UGT2B7: variants seen among roughly 807,000 people sequenced by gnomAD.
UGT2B7 encodes UDP glucuronosyltransferase family 2 member B7, also known as UDP-glucuronosyltransferase 2B7.
UGT2B7 carries 51 observed loss-of-function variants against 51.9 expected under a neutral mutation model. The ratio of observed to expected loss-of-function variants is 0.98; its 90% CI spans 0.78 to 1.24. UGT2B7 has a LOEUF of 1.24. Ranked by LOEUF, UGT2B7 falls within the 50% of genes most tolerant of loss-of-function variation. The probability of loss-of-function intolerance (pLI) is 0.00; values close to 1 mark genes in which losing one functional copy is unlikely to be tolerated. For synonymous variants in UGT2B7, 225 were observed against 211.6 expected (o/e 1.06, Z -0.55); for missense variants, 727 against 628.4 (o/e 1.16, Z -1.68).
chr4:69,095,624 G>T (rs1182405765), upstream of UGT2B7, among the ~76,000 whole-genome samples: 1 of 152,180 alleles, frequency 6.6e-6, no homozygotes, highest in Admixed American at 6.5e-5. Context: ...GTGAGTCGGA[G>T]AACAAGCTAA....
Position 69,104,238 on chromosome 4 carries a change from G to T in UGT2B7, c.1002+1300G>T, listed in dbSNP as rs528622782. On this transcript the variant is annotated intron_variant, in intron 3 of 5. Transcript: ENST00000305231. ...GGAGGCAGAGGTTGCAGTGAGCCAA[G>T]ATCACACCAATGCACTCCAGCCTGG... Among the ~76,000 whole-genome samples, 9 of 152,222 alleles carry T rather than the reference G, an allele frequency of 5.9e-5. No homozygotes were observed. The East Asian group carries it at 1.7e-3, about 29-fold the overall frequency.
intron 2 of UGT2B7, among the ~76,000 whole-genome samples, chr4:69,090,773 T>C (rs2109879293): frequency 6.6e-6 from 1 of 152,298 alleles, no homozygotes; most frequent in East Asian, 1.9e-4. Flanking sequence ...ATAGTCTTTC[T>C]AATTTTAAGG....
intron 1 of UGT2B7, among the ~76,000 whole-genome samples, chr4:69,064,232 G>C (rs1718439598): frequency 6.6e-6 from 1 of 152,152 alleles, no homozygotes; most frequent in African/African-American, 2.4e-5. Context: ...GGAAAGTCCT[G>C]ATACTACTGT....
chr4:69,108,810 G>C (rs1433397828), intron 5 of UGT2B7, among the ~76,000 whole-genome samples: 1 of 151,958 alleles, frequency 6.6e-6, no homozygotes, highest in Non-Finnish European at 1.5e-5. Context: ...AATATATTTA[G>C]TATGTTTACA....
At chr4:69,053,128 C>T (rs1214509195) in intron 1 of UGT2B7, among the ~76,000 whole-genome samples, 1 of 151,960 alleles carries the variant, frequency 6.6e-6, no homozygotes, top group Non-Finnish European at 1.5e-5. Context: ...AAAATCTTAC[C>T]TTATGGTCAA....
At chr4:69,081,627 C>T (rs1238364979) in intron 1 of UGT2B7, among the ~76,000 whole-genome samples, 2 of 152,076 alleles carry the variant, frequency 1.3e-5, no homozygotes, top group East Asian at 1.9e-4. Flanking sequence ...AATTTCCAAA[C>T]ATCAGGACTT....
Position 69,097,009 on chromosome 4 carries a change from A to T in UGT2B7, c.489A>T (p.Leu163=), listed in dbSNP as rs202168877. 2 of 1,613,720 alleles carry T rather than the reference A, an allele frequency of 1.2e-6. No individual in the cohort carries two copies. The highest frequency in any genetic ancestry group is 2.7e-5 in the African/African-American group (2 of 74,902). Residue 163 remains leucine, a synonymous_variant, in exon 1 of 6, where the codon CTA becomes CTT. Coordinates refer to ENST00000305231, the MANE Select transcript of UGT2B7 (RefSeq NM_001074.4). ...IFPCSELLAE[L]FNIPFVYSLS... ...CCTGTAGTGAGCTGCTGGCTGAGCTATTTAACATACCCTTTGTGTACAGTC... is the reference window on the plus strand; with the variant it reads ...CCTGTAGTGAGCTGCTGGCTGAGCTTTTTAACATACCCTTTGTGTACAGTC...
chr4:69,073,467 T>C (rs1297231100), intron 1 of UGT2B7, among the ~76,000 whole-genome samples: 4 of 152,178 alleles, frequency 2.6e-5, no homozygotes, highest in Non-Finnish European at 5.9e-5. Context: ...ATAAAAGATC[T>C]AGAATCCTGA....
At chr4:69,071,909 A>G (rs1263649084) in intron 1 of UGT2B7, among the ~76,000 whole-genome samples, 1 of 152,088 alleles carries the variant, frequency 6.6e-6, no homozygotes, top group Admixed American at 6.6e-5. Flanking sequence ...TACACAAACT[A>G]AATTTTAGTC....
intron 1 of UGT2B7, among the ~76,000 whole-genome samples, chr4:69,064,096 G>GAA (rs1257880397): frequency 0.064 from 4,613 of 72,548 alleles, 114 homozygotes; most frequent in East Asian, 0.1. Flanking sequence ...AAGAAAGAAA[G>GAA]AGAAAGAAAG....
intron 1 of UGT2B7, among the ~76,000 whole-genome samples, chr4:69,082,437 A>T (rs1260730038): frequency 6.6e-6 from 1 of 152,060 alleles, no homozygotes; most frequent in African/African-American, 2.4e-5. Context: ...TCACGAAGGA[A>T]ATTAGAAGTG....
intron 3 of UGT2B7, among the ~76,000 whole-genome samples, chr4:69,106,206 C>G (rs1719594766): frequency 6.6e-6 from 1 of 152,002 alleles, no homozygotes; most frequent in Non-Finnish European, 1.5e-5. Flanking sequence ...TTTCATCACC[C>G]AGATATTAAG....
At chr4:69,079,531 T>TA (rs1718788846) in intron 1 of UGT2B7, among the ~76,000 whole-genome samples, 2 of 152,134 alleles carry the variant, frequency 1.3e-5, no homozygotes, top group South Asian at 4.1e-4. Flanking sequence ...CAACATAGCA[T>TA]ATTGTGACAG....
chr4:69,097,908 A>T (rs1719294579), intron 1 of UGT2B7, among the ~76,000 whole-genome samples: 1 of 152,060 alleles, frequency 6.6e-6, no homozygotes, highest in African/African-American at 2.4e-5. Flanking sequence ...AGAACATATG[A>T]GACAAATTAA....
rs1215350782 is a variant in UGT2B7 at position 69,112,476 on chromosome 4, A to G, written c.1330A>G (p.Lys444Glu). The change falls in exon 6 of 6, where the codon AAA becomes GAA. Residue 444 changes from lysine (K) to glutamate (E), a missense_variant. Transcript: ENST00000305231. ...TTTCAGATATAAAGAGAATGTTATG[A>G]AATTATCAAGAATTCAACATGATCA... ...NDPSYKENVM[K>E]LSRIQHDQPV... The G allele has an allele frequency of 1.9e-6, 3 of 1,613,580 alleles. No homozygotes were observed. Among genetic ancestry groups the G allele is most frequent in the Non-Finnish European group, 2.5e-6 (3 of 1,179,810 alleles).
intron 3 of UGT2B7, among the ~76,000 whole-genome samples, chr4:69,103,768 C>A (rs1000724088): frequency 9.9e-5 from 15 of 151,990 alleles, no homozygotes; most frequent in Admixed American, 5.2e-4. Context: ...TGAATGTTTA[C>A]GATTATGGGA....
chr4:69,081,773 T>C (rs1169633400), intron 1 of UGT2B7, among the ~76,000 whole-genome samples: 1 of 152,134 alleles, frequency 6.6e-6, no homozygotes, highest in South Asian at 2.1e-4. Context: ...TCTCTGGGCT[T>C]CTGATCATAT....
At position 69,096,847 on chromosome 4, in the gene UGT2B7, T is replaced by G; in HGVS notation, c.327T>G (p.Phe109Leu). Residue 109 changes from phenylalanine to leucine, a missense_variant, in exon 1 of 6, where the codon TTT (phenylalanine) becomes TTG (leucine). Physicochemically the swap from Phe to Leu is conservative, Grantham distance 22. Coordinates refer to ENST00000305231, the MANE Select transcript of UGT2B7 (RefSeq NM_001074.4). The part of the protein sequence containing the change: ...DLPKDTFWLY[F>L]SQVQEIMSIF... ...CAAAAGATACATTTTGGTTATATTT[T>G]TCACAAGTACAGGAAATCATGTCAA... is the stretch of plus-strand genomic sequence containing the variant. 1 of 1,613,754 alleles carries G rather than the reference T, an allele frequency of 6.2e-7. No individual in the cohort carries two copies. Among genetic ancestry groups the G allele is most frequent in the Non-Finnish European group, 8.5e-7 (1 of 1,179,854 alleles).
intron 5 of UGT2B7, among the ~76,000 whole-genome samples, chr4:69,109,598 G>T (rs1245500816): frequency 6.6e-6 from 1 of 152,012 alleles, no homozygotes; most frequent in Non-Finnish European, 1.5e-5. Context: ...TTATTATTAA[G>T]TTTAAGAACT....
Sources: gnomAD v4.1 joint callset for allele counts (sites outside exome capture counted in the v4.1 genomes callset) on GRCh38, gnomAD v4.1.1 for gene constraint, MANE v1.5 for transcripts, NCBI Gene and HGNC (gene_info 2026-07-23, HGNC 2026-07-21) for gene names.